Variants in CNTNAP2 observed in about 807,000 individuals in gnomAD.
CNTNAP2 encodes the protein contactin-associated protein-like 2.
A neutral mutation model predicts 155.2 loss-of-function variants in CNTNAP2; 98 were observed. The ratio of observed to expected loss-of-function variants is 0.63; its 90% CI spans 0.54 to 0.75. CNTNAP2 has a LOEUF of 0.75. Ranked by LOEUF, CNTNAP2 falls within the 30% of genes least tolerant of loss-of-function variation. The pLI, the probability that CNTNAP2 is intolerant of heterozygous loss-of-function variation, is 0.00. For synonymous variants in CNTNAP2, 651 were observed against 631.2 expected (o/e 1.03, Z -0.47); for missense variants, 1,727 against 1,688.1 (o/e 1.02, Z -0.40).
intron 3 of CNTNAP2, among the ~76,000 whole-genome samples, chr7:146,840,234 C>T (rs749689627): frequency 1.3e-5 from 2 of 151,946 alleles, no homozygotes; most frequent in African/African-American, 4.8e-5. Flanking sequence ...CTGAAGACAG[C>T]GATCTTCAAT....
chr7:146,412,665 G>A (rs1795882440), intron 1 of CNTNAP2, among the ~76,000 whole-genome samples: 1 of 152,202 alleles, frequency 6.6e-6, no homozygotes, highest in Non-Finnish European at 1.5e-5. Flanking sequence ...GCATATTAAA[G>A]TTGTGGTGCC....
chr7:146,389,170 G>C (rs1273063941), intron 1 of CNTNAP2, among the ~76,000 whole-genome samples: 1 of 151,444 alleles, frequency 6.6e-6, no homozygotes, highest in African/African-American at 2.4e-5. Context: ...CATCAATATA[G>C]CAAAAATCAG....
At chr7:147,500,485 C>G (rs1037976371) in intron 11 of CNTNAP2, among the ~76,000 whole-genome samples, 1 of 152,134 alleles carries the variant, frequency 6.6e-6, no homozygotes, top group African/African-American at 2.4e-5. Context: ...CATAAGCTCT[C>G]TATCCACTGT....
At chr7:147,542,868 G>T (rs1010192759) in intron 11 of CNTNAP2, among the ~76,000 whole-genome samples, 1 of 152,156 alleles carries the variant, frequency 6.6e-6, no homozygotes, top group African/African-American at 2.4e-5. Context: ...ATATGTATTT[G>T]TATTTAAATA....
chr7:146,446,715 T>C (rs1186710116), intron 1 of CNTNAP2, among the ~76,000 whole-genome samples: 1 of 152,110 alleles, frequency 6.6e-6, no homozygotes, highest in Non-Finnish European at 1.5e-5. Flanking sequence ...CACAGAACAC[T>C]TGAGCAACTC....
chr7:146,996,346 C>T (rs552266925), intron 3 of CNTNAP2, among the ~76,000 whole-genome samples: 14 of 152,058 alleles, frequency 9.2e-5, no homozygotes, highest in African/African-American at 1.7e-4. Flanking sequence ...TTTCAATCTA[C>T]GAACATAAAG....
chr7:147,543,713 A>G (rs949976887), intron 11 of CNTNAP2, among the ~76,000 whole-genome samples: 5 of 152,314 alleles, frequency 3.3e-5, no homozygotes, highest in Middle Eastern at 6.8e-3. Flanking sequence ...CAGAATTTAT[A>G]TGAAGCTTAA....
At chr7:146,330,619 G>A (rs1286210330) in intron 1 of CNTNAP2, among the ~76,000 whole-genome samples, 1 of 152,144 alleles carries the variant, frequency 6.6e-6, no homozygotes, top group African/African-American at 2.4e-5. Context: ...AATGAAGGGA[G>A]AAACAAACCA....
intron 1 of CNTNAP2, among the ~76,000 whole-genome samples, chr7:146,366,186 C>T (rs1795152762): frequency 6.6e-6 from 1 of 151,970 alleles, no homozygotes; most frequent in African/African-American, 2.4e-5. Flanking sequence ...GTGTTTTCTA[C>T]TAGATTTAAT....
intron 12 of CNTNAP2, among the ~76,000 whole-genome samples, chr7:147,617,012 A>G (rs1267770993): frequency 1.3e-5 from 2 of 152,156 alleles, no homozygotes; most frequent in Non-Finnish European, 2.9e-5. Flanking sequence ...CTGCAATCTT[A>G]TAGCCCACTA....
chr7:147,374,363 G>A (rs1404048578), intron 9 of CNTNAP2, among the ~76,000 whole-genome samples: 4 of 151,592 alleles, frequency 2.6e-5, no homozygotes, highest in African/African-American at 9.7e-5. Context: ...TTATTTATAG[G>A]CCTCTTTAGA....
chr7:146,849,372 C>T (rs1562972130), intron 3 of CNTNAP2, among the ~76,000 whole-genome samples: 1 of 152,160 alleles, frequency 6.6e-6, no homozygotes, highest in African/African-American at 2.4e-5. Context: ...GGTATACTGA[C>T]CTCACTACTG....
At chr7:146,508,275 C>A (rs1089445) in intron 1 of CNTNAP2, among the ~76,000 whole-genome samples, 1 of 152,112 alleles carries the variant, frequency 6.6e-6, no homozygotes, top group Admixed American at 6.5e-5. Context: ...TATGTCCACC[C>A]GATAATGGCT....
At chr7:147,984,073 T>C (rs756803146) in intron 15 of CNTNAP2, among the ~76,000 whole-genome samples, 16 of 152,226 alleles carry the variant, frequency 1.1e-4, no homozygotes, top group Non-Finnish European at 2.2e-4. Flanking sequence ...CCTTTTTCTG[T>C]CATGTGATGT....
chr7:146,812,080 T>C (rs1034188518), intron 2 of CNTNAP2, among the ~76,000 whole-genome samples: 5 of 152,086 alleles, frequency 3.3e-5, no homozygotes, highest in African/African-American at 1.2e-4. Flanking sequence ...GGTGTTGCTG[T>C]ATAGATACCT....
intron 1 of CNTNAP2, among the ~76,000 whole-genome samples, chr7:146,622,808 T>C (rs577469063): frequency 6.6e-6 from 1 of 152,024 alleles, no homozygotes; most frequent in South Asian, 2.1e-4. Flanking sequence ...ATTACAAAAA[T>C]TAGCCGGGCA....
At chr7:146,340,168 C>CAAAAAAAAA (rs1195946572) in intron 1 of CNTNAP2, among the ~76,000 whole-genome samples, 5 of 54,862 alleles carry the variant, frequency 9.1e-5, no homozygotes, top group Non-Finnish European at 1.6e-4. Flanking sequence ...GACTCCGCCT[C>CAAAAAAAAA]AAAAAAAAAA....
At chr7:147,287,756 A>G (rs909019909) in intron 8 of CNTNAP2, among the ~76,000 whole-genome samples, 23 of 152,050 alleles carry the variant, frequency 1.5e-4, no homozygotes, top group African/African-American at 5.6e-4. Context: ...GTCTCTCATT[A>G]CAGTTAAATG....
chr7:146,856,281 GATAGATAGATAGATAGATACATACATAC>G lies in CNTNAP2; in HGVS notation c.402+16381_402+16408del, dbSNP rs202097459. Among the ~76,000 whole-genome samples, 317 of 139,180 alleles carry G rather than the reference GATAGATAGATAGATAGATACATACATAC, an allele frequency of 2.3e-3. 1 individual carries two copies. The highest frequency in any genetic ancestry group is 7.9e-3 in the African/African-American group (285 of 35,890). 91.3% of individuals were successfully genotyped at this position (139,180 alleles called of 152,430 possible). On this transcript the variant is annotated intron_variant, in intron 3 of 23. Coordinates refer to ENST00000361727, the MANE Select transcript of CNTNAP2 (RefSeq NM_014141.6). The stretch of plus-strand genomic sequence containing the variant: ...ATAGATATAGATAGATAGATAGATA[GATAGATAGATAGATAGATACATACATAC>G]ATACATACATACATACATACATACA...
Sources: allele counts gnomAD v4.1 joint callset (sites outside exome capture counted in the v4.1 genomes callset), GRCh38; gene constraint gnomAD v4.1.1; transcripts MANE v1.5; gene names NCBI Gene and HGNC (gene_info 2026-07-23, HGNC 2026-07-21).